NXPE2: variants seen among roughly 807,000 people sequenced by gnomAD.
NXPE2 encodes neurexophilin and PC-esterase domain family member 2.
NXPE2 carries 34 observed loss-of-function variants against 34.4 expected under a neutral mutation model. The ratio of observed to expected loss-of-function variants is 0.99; its 90% CI spans 0.75 to 1.31. NXPE2 has a LOEUF of 1.31. NXPE2 is among the 40% of genes most tolerant of loss of function. The pLI is 0.00. For missense variants in NXPE2, 649 were observed against 672.5 expected (o/e 0.97, Z 0.39); for synonymous variants, 235 against 231.3 (o/e 1.02, Z -0.15).
the NXPE2 span, among the ~76,000 whole-genome samples, chr11:114,602,510 A>G: frequency 7.3e-6 from 1 of 137,846 alleles, no homozygotes; most frequent in African/African-American, 2.6e-5. Flanking sequence ...TATGTAAATT[A>G]TAGATTATAC....
At chr11:114,496,567 C>T in the NXPE2 span, among the ~76,000 whole-genome samples, 12 of 152,218 alleles carry the variant, frequency 7.9e-5, no homozygotes, top group Admixed American at 5.2e-4. Context: ...CAGGAGGCTT[C>T]CATTTGGCCA....
At chr11:114,555,351 G>T in the NXPE2 span, among the ~76,000 whole-genome samples, 1 of 152,044 alleles carries the variant, frequency 6.6e-6, no homozygotes, top group Non-Finnish European at 1.5e-5. Flanking sequence ...AGCCTCCTGA[G>T]TAGCTGGGAC....
the NXPE2 span, among the ~76,000 whole-genome samples, chr11:114,480,121 C>A: frequency 6.6e-6 from 1 of 152,114 alleles, no homozygotes; most frequent in Non-Finnish European, 1.5e-5. Context: ...CACTGGGGAT[C>A]ACATTTCAAC....
At chr11:114,746,353 A>T in the NXPE2 span, among the ~76,000 whole-genome samples, 12 of 152,238 alleles carry the variant, frequency 7.9e-5, no homozygotes. Context: ...CACTGAAGAC[A>T]AAACAAAACA....
At chr11:114,525,428 A>G in the NXPE2 span, among the ~76,000 whole-genome samples, 1 of 152,124 alleles carries the variant, frequency 6.6e-6, no homozygotes, top group Non-Finnish European at 1.5e-5. Context: ...TCTAAGACCC[A>G]GGGAAGGGCA....
the NXPE2 span, among the ~76,000 whole-genome samples, chr11:114,780,086 C>T: frequency 1.3e-5 from 2 of 152,224 alleles, no homozygotes; most frequent in Non-Finnish European, 2.9e-5. Flanking sequence ...CGTCAAGAGG[C>T]CACCAGTCCA....
the NXPE2 span, among the ~76,000 whole-genome samples, chr11:114,747,692 G>C: frequency 6.6e-6 from 1 of 152,212 alleles, no homozygotes; most frequent in Non-Finnish European, 1.5e-5. Flanking sequence ...ACTATTATGA[G>C]AACCATGCGG....
At chr11:114,655,944 A>G in the NXPE2 span, among the ~76,000 whole-genome samples, 1 of 152,182 alleles carries the variant, frequency 6.6e-6, no homozygotes, top group Non-Finnish European at 1.5e-5. Context: ...CAGGCAAGAG[A>G]AAGAAATAAA....
chr11:114,563,236 G>C, the NXPE2 span, among the ~76,000 whole-genome samples: 25 of 152,034 alleles, frequency 1.6e-4, no homozygotes, highest in Non-Finnish European at 5.9e-5. Flanking sequence ...ATAAAGATGA[G>C]GGCAAATAAG....
At chr11:114,687,310 C>G (rs1399362584) in intron 2 of NXPE2, among the ~76,000 whole-genome samples, 1 of 151,960 alleles carries the variant, frequency 6.6e-6, no homozygotes, top group Non-Finnish European at 1.5e-5. Context: ...GGCGGGGGTC[C>G]AGTTTTATTC....
chr11:114,623,732 T>A, the NXPE2 span, among the ~76,000 whole-genome samples: 1 of 152,090 alleles, frequency 6.6e-6, no homozygotes, highest in Non-Finnish European at 1.5e-5. Flanking sequence ...TATTGCCTCA[T>A]GGGTAACCAC....
At chr11:114,787,602 G>T in the NXPE2 span, among the ~76,000 whole-genome samples, 1 of 152,142 alleles carries the variant, frequency 6.6e-6, no homozygotes, top group African/African-American at 2.4e-5. Flanking sequence ...ATATTCATCT[G>T]GGCTGGGGAG....
intron 3 of NXPE2, among the ~76,000 whole-genome samples, chr11:114,699,734 A>G (rs530268200): frequency 1.1e-4 from 16 of 151,996 alleles, no homozygotes; most frequent in Non-Finnish European, 1.9e-4. Flanking sequence ...TATTTTTAAT[A>G]TCCTCTGTTA....
chr11:114,613,552 A>G, the NXPE2 span, among the ~76,000 whole-genome samples: 2 of 151,832 alleles, frequency 1.3e-5, no homozygotes, highest in Non-Finnish European at 2.9e-5. Context: ...CTGCTGCACA[A>G]TAAGTGTTGC....
chr11:114,671,602 A>G, the NXPE2 span, among the ~76,000 whole-genome samples: 1 of 152,042 alleles, frequency 6.6e-6, no homozygotes, highest in South Asian at 2.1e-4. Flanking sequence ...TTTTCTTTAG[A>G]AACAGTGGCA....
chr11:114,803,701 C>T, the NXPE2 span, among the ~76,000 whole-genome samples: 4 of 152,032 alleles, frequency 2.6e-5, no homozygotes, highest in Non-Finnish European at 5.9e-5. Flanking sequence ...CTCAGCCTCC[C>T]GAGTAGCTGG....
chr11:114,784,297 C>T, the NXPE2 span, among the ~76,000 whole-genome samples: 665 of 152,354 alleles, frequency 4.4e-3, 20 homozygotes, highest in East Asian at 0.033. Context: ...TCCCAAATAA[C>T]ATAAAGACTT....
chr11:114,773,288 C>CCACCCCCCCCCCCCG, the NXPE2 span, among the ~76,000 whole-genome samples: 1 of 95,866 alleles, frequency 1.0e-5, no homozygotes, highest in Non-Finnish European at 2.2e-5. Flanking sequence ...CACCCCCCCC[C>CCACCCCCCCCCCCCG]CACCCCATTC....
the NXPE2 span, among the ~76,000 whole-genome samples, chr11:114,548,170 A>T: frequency 6.6e-6 from 1 of 152,204 alleles, no homozygotes; most frequent in African/African-American, 2.4e-5. Context: ...GAGTACAGAG[A>T]TACATGCTTA....
Sources: gnomAD v4.1 joint callset for allele counts (sites outside exome capture counted in the v4.1 genomes callset) on GRCh38, gnomAD v4.1.1 for gene constraint, MANE v1.5 for transcripts, NCBI Gene and HGNC (gene_info 2026-07-23, HGNC 2026-07-21) for gene names.